The following CNTN4 variants were observed in gnomAD, a reference collection of about 807,000 sequenced individuals.
CNTN4 encodes contactin-4.
CNTN4 carries 77 observed loss-of-function variants against 122.5 expected under a neutral mutation model. That is an observed-to-expected ratio of 0.63 (90% CI 0.52 to 0.76). The LOEUF is 0.76. Among genes scored for constraint, CNTN4 ranks in the 30% least tolerant of loss-of-function variants. The pLI, the probability that CNTN4 is intolerant of heterozygous loss-of-function variation, is 0.00. For missense variants in CNTN4, 1,256 were observed against 1,259.1 expected, an observed-to-expected ratio of 1.00 and a Z score of 0.04; for synonymous variants, 512 against 447.0, an observed-to-expected ratio of 1.15 and a Z score of -1.83.
chr3:2,545,270 T>C (rs898611146), intron 3 of CNTN4, among the ~76,000 whole-genome samples: 5 of 152,232 alleles, frequency 3.3e-5, no homozygotes, highest in Non-Finnish European at 5.9e-5. Context: ...CTGAGGATTG[T>C]TTTATGTCCA....
chr3:2,532,978 T>A (rs1450384699), intron 3 of CNTN4, among the ~76,000 whole-genome samples: 1 of 152,136 alleles, frequency 6.6e-6, no homozygotes, highest in Admixed American at 6.6e-5. Context: ...ATGAGAACCA[T>A]CCTTGATCAT....
chr3:2,283,221 G>A (rs541689854), intron 2 of CNTN4, among the ~76,000 whole-genome samples: 1 of 152,192 alleles, frequency 6.6e-6, no homozygotes, highest in South Asian at 2.1e-4. Context: ...GAAGACAAAA[G>A]AAATTGGTGG....
intron 6 of CNTN4, among the ~76,000 whole-genome samples, chr3:2,771,569 T>G (rs575576035): frequency 1.3e-5 from 2 of 152,354 alleles, no homozygotes; most frequent in East Asian, 3.9e-4. Context: ...ATGGCCATTT[T>G]AAGGACCAAT....
intron 14 of CNTN4, among the ~76,000 whole-genome samples, chr3:3,016,210 T>C (rs1343605715): frequency 6.6e-6 from 1 of 152,248 alleles, no homozygotes; most frequent in South Asian, 2.1e-4. Flanking sequence ...ATTTAATTTG[T>C]CATTGACAGT....
At chr3:2,448,876 T>G (rs1257766843) in intron 3 of CNTN4, among the ~76,000 whole-genome samples, 2 of 152,172 alleles carry the variant, frequency 1.3e-5, no homozygotes, top group Non-Finnish European at 2.9e-5. Context: ...GTGTGAATGA[T>G]GAGGTACCAT....
intron 4 of CNTN4, among the ~76,000 whole-genome samples, chr3:2,698,636 G>T (rs762216479): frequency 6.6e-6 from 1 of 152,108 alleles, no homozygotes; most frequent in South Asian, 2.1e-4. Context: ...AAATAAAAGA[G>T]TTGAAGTTAC....
intron 6 of CNTN4, among the ~76,000 whole-genome samples, chr3:2,813,328 A>G (rs2092656161): frequency 1.3e-5 from 2 of 152,212 alleles, no homozygotes; most frequent in South Asian, 4.1e-4. Context: ...AACAAAGGGA[A>G]CTGGTGCTGA....
rs116158810 is a variant in CNTN4 at position 2,559,282 on chromosome 3, A to G, written c.-88-12134A>G. 5.6e-3 allele frequency among the ~76,000 whole-genome samples: 854 copies of G among 152,290 alleles called. 2 individuals carry two copies. Among genetic ancestry groups the G allele is most frequent in the Middle Eastern group, 0.017 (5 of 294 alleles). ...TACCCCACCATTGCAGAGAATGGCA[A>G]ACTTCGCAAAGTGATTTACTGGCTT... On this transcript the variant is annotated intron_variant, in intron 3 of 24. Coordinates refer to ENST00000418658, the MANE Select transcript of CNTN4 (RefSeq NM_175607.3).
chr3:2,710,003 C>T (rs762002016), intron 4 of CNTN4, among the ~76,000 whole-genome samples: 1 of 152,114 alleles, frequency 6.6e-6, no homozygotes, highest in East Asian at 1.9e-4. Flanking sequence ...TTTAAATTGT[C>T]GCTCTATAGA....
chr3:2,960,470 G>C (rs1405375376), intron 13 of CNTN4, among the ~76,000 whole-genome samples: 3 of 152,140 alleles, frequency 2.0e-5, no homozygotes, highest in Non-Finnish European at 4.4e-5. Context: ...ACTTGAGGCT[G>C]CTTATAATAC....
chr3:3,011,708 G>A (rs537814570), intron 14 of CNTN4, among the ~76,000 whole-genome samples: 1 of 152,072 alleles, frequency 6.6e-6, no homozygotes, highest in Non-Finnish European at 1.5e-5. Flanking sequence ...TTGTAAAGTC[G>A]AGGCACATTT....
intron 2 of CNTN4, among the ~76,000 whole-genome samples, chr3:2,300,860 T>C (rs138741364): frequency 0.018 from 2,682 of 152,148 alleles, 84 homozygotes; most frequent in African/African-American, 0.06. Flanking sequence ...TGAGCCACCG[T>C]GCCTGGCCGA....
At chr3:2,947,244 A>G (rs184313807) in intron 13 of CNTN4, among the ~76,000 whole-genome samples, 10 of 152,346 alleles carry the variant, frequency 6.6e-5, no homozygotes, top group Admixed American at 3.3e-4. Flanking sequence ...AGTCAAAAAG[A>G]CCACACACTT....
At chr3:3,037,423 G>A in intron 18 of CNTN4, 95 bp downstream of exon 18, 1 of 1,525,542 alleles carries the variant, frequency 6.6e-7, no homozygotes, top group Non-Finnish European at 9.1e-7. Context: ...CGCTCATGCG[G>A]CTCTGTGTTA....
At chr3:2,284,358 C>T (rs2041831250) in intron 2 of CNTN4, among the ~76,000 whole-genome samples, 1 of 152,070 alleles carries the variant, frequency 6.6e-6, no homozygotes, top group African/African-American at 2.4e-5. Context: ...CTATAGTATA[C>T]ATATCAAAAC....
At chr3:2,245,398 A>T (rs768068905) in intron 2 of CNTN4, among the ~76,000 whole-genome samples, 1 of 152,050 alleles carries the variant, frequency 6.6e-6, no homozygotes, top group Non-Finnish European at 1.5e-5. Flanking sequence ...CGAATAATAC[A>T]GCCAGGTTGG....
chr3:2,340,837 C>A (rs1236019102), intron 3 of CNTN4, among the ~76,000 whole-genome samples: 1 of 150,970 alleles, frequency 6.6e-6, no homozygotes, highest in Non-Finnish European at 1.5e-5. Context: ...TGTAACAAAC[C>A]ACCCCAAAAC....
chr3:2,511,970 G>C (rs913999939), intron 3 of CNTN4, among the ~76,000 whole-genome samples: 1 of 152,102 alleles, frequency 6.6e-6, no homozygotes, highest in Non-Finnish European at 1.5e-5. Context: ...TTTGGTGCCA[G>C]GATGATTAGA....
At chr3:2,723,683 A>T (rs574038505) in intron 4 of CNTN4, among the ~76,000 whole-genome samples, 20 of 152,328 alleles carry the variant, frequency 1.3e-4, no homozygotes, top group African/African-American at 4.3e-4. Context: ...CTTACCTCTA[A>T]ATACTGTTGC....
Sources: gnomAD v4.1 joint callset for allele counts (sites outside exome capture counted in the v4.1 genomes callset) on GRCh38, gnomAD v4.1.1 for gene constraint, MANE v1.5 for transcripts, NCBI Gene and HGNC (gene_info 2026-07-23, HGNC 2026-07-21) for gene names.